The following CCDC171 variants were observed in gnomAD, a reference collection of about 807,000 sequenced individuals.
CCDC171 encodes the protein coiled-coil domain containing 171.
CCDC171 carries 177 observed loss-of-function variants against 168.2 expected under a neutral mutation model. The observed-to-expected ratio is 1.05, with a 90% CI of 0.93 to 1.19. CCDC171 has a LOEUF of 1.19. Among genes scored for constraint, CCDC171 ranks in the 50% most tolerant of loss-of-function variants. The pLI is 0.00. For synonymous variants in CCDC171, 687 were observed against 540.8 expected (o/e 1.27, Z -3.75); for missense variants, 1,991 against 1,539.0 (o/e 1.29, Z -4.91).
At chr9:15,582,348 A>C (rs189828873) in intron 4 of CCDC171, among the ~76,000 whole-genome samples, 7,990 of 152,244 alleles carry the variant, frequency 0.052, 267 homozygotes, top group Non-Finnish European at 0.078. Flanking sequence ...TAAATTAGTT[A>C]AACTGTTGTG....
chr9:15,610,198 C>G (rs2131827329), intron 6 of CCDC171, among the ~76,000 whole-genome samples: 1 of 151,682 alleles, frequency 6.6e-6, no homozygotes, highest in African/African-American at 2.4e-5. Context: ...CCCCACCCCT[C>G]CCTTGATGGT....
intron 7 of CCDC171, among the ~76,000 whole-genome samples, chr9:15,655,728 CAATT>C (rs2047877094): frequency 6.6e-6 from 1 of 151,912 alleles, no homozygotes; most frequent in Non-Finnish European, 1.5e-5. Flanking sequence ...ATAAACAGCT[CAATT>C]AAAAAATGGT....
chr9:16,001,395 T>C (rs972109621), intron 3 of CCDC171, among the ~76,000 whole-genome samples: 1 of 150,940 alleles, frequency 6.6e-6, no homozygotes. Flanking sequence ...TTTTCTCATA[T>C]GTATGTGTGT....
intron 18 of CCDC171, among the ~76,000 whole-genome samples, chr9:15,760,575 A>T (rs1177342785): frequency 1.3e-5 from 2 of 152,216 alleles, no homozygotes; most frequent in African/African-American, 4.8e-5. Context: ...CTTTACATTA[A>T]GAAGAAATGT....
intron 24 of CCDC171, among the ~76,000 whole-genome samples, chr9:15,884,036 A>G (rs1299269400): frequency 6.6e-6 from 1 of 152,086 alleles, no homozygotes; most frequent in Admixed American, 6.6e-5. Context: ...ATTTTATACA[A>G]TTGTTTTCTT....
At chr9:15,635,616 A>T (rs1239456616) in intron 7 of CCDC171, among the ~76,000 whole-genome samples, 1 of 152,132 alleles carries the variant, frequency 6.6e-6, no homozygotes, top group African/African-American at 2.4e-5. Context: ...CTCAAATGTT[A>T]ATTTCCTTTG....
At chr9:15,774,246 T>TAAAAAAAAAAAAAAAA (rs56239417) in intron 18 of CCDC171, among the ~76,000 whole-genome samples, 1 of 37,986 alleles carries the variant, frequency 2.6e-5, no homozygotes, top group Non-Finnish European at 4.6e-5. Flanking sequence ...ACGCTGTCTT[T>TAAAAAAAAAAAAAAAA]AAAAAAAAAA....
chr9:16,056,220 C>T (rs1211112874), intron 1 of CCDC171, among the ~76,000 whole-genome samples: 1 of 152,162 alleles, frequency 6.6e-6, no homozygotes, highest in African/African-American at 2.4e-5. Context: ...ATATTTTCCA[C>T]ATTTTTGTAA....
At chr9:15,771,574 ATCAT>A (rs1345504136) in intron 18 of CCDC171, among the ~76,000 whole-genome samples, 1 of 65,622 alleles carries the variant, frequency 1.5e-5, no homozygotes, top group East Asian at 1.6e-3. Context: ...TTAACACTTT[ATCAT>A]AGTGCAAATA....
intron 6 of CCDC171, among the ~76,000 whole-genome samples, chr9:15,599,294 TC>T (rs1450864556): frequency 6.6e-6 from 1 of 152,216 alleles, no homozygotes; most frequent in Non-Finnish European, 1.5e-5. Context: ...TATTGGTTGT[TC>T]CTTTCCATGT....
At chr9:15,906,600 T>G (rs1044707956) in intron 24 of CCDC171, among the ~76,000 whole-genome samples, 1 of 152,192 alleles carries the variant, frequency 6.6e-6, no homozygotes, top group Non-Finnish European at 1.5e-5. Flanking sequence ...GCATTCCCTC[T>G]GAAAACTGGC....
At chr9:15,808,531 C>T (rs545905922) in intron 21 of CCDC171, among the ~76,000 whole-genome samples, 18 of 152,224 alleles carry the variant, frequency 1.2e-4, no homozygotes, top group Admixed American at 9.8e-4. Context: ...ACTGGGTGAT[C>T]AGTGAATGGT....
chr9:15,803,832 A>G (rs2058944749), intron 21 of CCDC171, among the ~76,000 whole-genome samples: 3 of 152,102 alleles, frequency 2.0e-5, no homozygotes, highest in African/African-American at 7.2e-5. Flanking sequence ...TGGGAATAGC[A>G]TCGAATCTAT....
intron 7 of CCDC171, among the ~76,000 whole-genome samples, chr9:15,632,596 C>G (rs1005686631): frequency 1.5e-4 from 23 of 152,088 alleles, no homozygotes; most frequent in African/African-American, 4.6e-4. Context: ...GCCATACTCC[C>G]CAAGGTAATT....
chr9:16,083,298 C>T, the CCDC171 span, among the ~76,000 whole-genome samples: 5 of 152,172 alleles, frequency 3.3e-5, no homozygotes, highest in African/African-American at 1.2e-4. Context: ...TTGAACCACA[C>T]AACTCAGGGA....
intron 7 of CCDC171, among the ~76,000 whole-genome samples, chr9:15,642,432 T>C (rs1313727897): frequency 1.3e-5 from 2 of 149,326 alleles, no homozygotes; most frequent in African/African-American, 2.5e-5. Flanking sequence ...TCTTTGTTGA[T>C]TACATTAGGA....
At chr9:15,885,539 A>AC (rs1819279416) in intron 24 of CCDC171, 1 of 152,204 alleles carries the variant, frequency 6.6e-6, no homozygotes, top group East Asian at 1.9e-4. Context: ...ACAGTGTTTG[A>AC]TGGACTGCCT....
chr9:15,890,405 T>G (rs1820047078), intron 24 of CCDC171, among the ~76,000 whole-genome samples: 1 of 152,146 alleles, frequency 6.6e-6, no homozygotes, highest in Non-Finnish European at 1.5e-5. Context: ...AAAATGCTAT[T>G]GTCAGGAAAT....
chr9:15,641,167 A>G (rs966043274), intron 7 of CCDC171, among the ~76,000 whole-genome samples: 1 of 152,108 alleles, frequency 6.6e-6, no homozygotes, highest in East Asian at 1.9e-4. Context: ...ATCTGGAAAA[A>G]TAATCATTTT....
Sources: gnomAD v4.1 joint callset for allele counts (sites outside exome capture counted in the v4.1 genomes callset) on GRCh38, gnomAD v4.1.1 for gene constraint, MANE v1.5 for transcripts, NCBI Gene and HGNC (gene_info 2026-07-23, HGNC 2026-07-21) for gene names.